Variants in TENM3 observed in about 807,000 individuals in gnomAD.
The protein encoded by TENM3 is teneurin transmembrane protein 3, also known as teneurin-3.
Under a neutral mutation model 255.1 loss-of-function variants are expected in TENM3, and 63 were observed. The ratio of observed to expected loss-of-function variants is 0.25; its 90% confidence interval spans 0.20 to 0.30. The LOEUF (loss-of-function observed/expected upper bound fraction) is 0.30. Ranked by LOEUF, TENM3 falls within the 10% of genes least tolerant of loss-of-function variation. The pLI, the probability that TENM3 is intolerant of heterozygous loss-of-function variation, is 1.00. For synonymous variants in TENM3, 1,306 were observed against 1,322.3 expected (o/e 0.99, Z 0.27); for missense variants, 2,929 against 3,461.1 (o/e 0.85, Z 3.86).
intron 1 of TENM3, among the ~76,000 whole-genome samples, chr4:182,277,103 G>T (rs1028680404): frequency 3.9e-5 from 6 of 152,194 alleles, no homozygotes; most frequent in African/African-American, 1.4e-4. Context: ...CAGCTTTTCT[G>T]TGAGGTCAGG....
intron 2 of TENM3, among the ~76,000 whole-genome samples, chr4:182,339,066 A>T (rs965151874): frequency 1.3e-5 from 2 of 152,244 alleles, no homozygotes; most frequent in Non-Finnish European, 2.9e-5. Context: ...TCATCAGACA[A>T]AAACGAAAGG....
chr4:182,612,831 C>T (rs780770923), intron 4 of TENM3, among the ~76,000 whole-genome samples: 9 of 152,244 alleles, frequency 5.9e-5, no homozygotes, highest in Non-Finnish European at 1.2e-4. Flanking sequence ...AATAGTTGTT[C>T]AGTAAGCTTC....
chr4:181,678,093 C>T, the TENM3 span, among the ~76,000 whole-genome samples: 7 of 152,036 alleles, frequency 4.6e-5, no homozygotes, highest in South Asian at 2.1e-4. Context: ...TTACTGTGTG[C>T]GAGGCACATG....
intron 1 of TENM3, among the ~76,000 whole-genome samples, chr4:182,236,563 C>T (rs780845692): frequency 4.6e-5 from 7 of 152,054 alleles, no homozygotes; most frequent in Admixed American, 2.6e-4. Flanking sequence ...TTGTTTTTCC[C>T]AGTGTAGACG....
At chr4:182,505,116 T>C (rs552897541) in intron 3 of TENM3, among the ~76,000 whole-genome samples, 1 of 152,290 alleles carries the variant, frequency 6.6e-6, no homozygotes, top group South Asian at 2.1e-4. Flanking sequence ...ATGGAAACAC[T>C]TTGAAACTCC....
At chr4:182,015,810 C>T in the TENM3 span, among the ~76,000 whole-genome samples, 4 of 152,024 alleles carry the variant, frequency 2.6e-5, no homozygotes, top group Non-Finnish European at 5.9e-5. Flanking sequence ...CCACCTGTCT[C>T]GGCTGGGATT....
chr4:182,489,830 C>G (rs972332772), intron 3 of TENM3, among the ~76,000 whole-genome samples: 10 of 89,406 alleles, frequency 1.1e-4, no homozygotes, highest in African/African-American at 3.1e-4. Flanking sequence ...TCCCTCCCTT[C>G]CTTTCTTCCT....
At chr4:181,485,836 T>G in the TENM3 span, among the ~76,000 whole-genome samples, 10 of 152,128 alleles carry the variant, frequency 6.6e-5, no homozygotes, top group Non-Finnish European at 1.3e-4. Flanking sequence ...AATTTATACC[T>G]CAAAATAATT....
chr4:181,610,604 G>T, the TENM3 span, among the ~76,000 whole-genome samples: 1 of 152,208 alleles, frequency 6.6e-6, no homozygotes, highest in Admixed American at 6.5e-5. Flanking sequence ...TTGTAGAAAT[G>T]AGTGATGTGA....
chr4:182,360,673 C>G (rs2150774115), intron 3 of TENM3, among the ~76,000 whole-genome samples: 1 of 152,150 alleles, frequency 6.6e-6, no homozygotes, highest in South Asian at 2.1e-4. Context: ...GACTCTTTAT[C>G]CAATTTGCCA....
the TENM3 span, among the ~76,000 whole-genome samples, chr4:181,542,916 C>T: frequency 6.6e-6 from 1 of 152,158 alleles, no homozygotes; most frequent in African/African-American, 2.4e-5. Flanking sequence ...CAAGGGTTCC[C>T]CCATCCCCTA....
chr4:182,415,438 T>C (rs1770297125), intron 3 of TENM3, among the ~76,000 whole-genome samples: 2 of 152,228 alleles, frequency 1.3e-5, no homozygotes, highest in Admixed American at 1.3e-4. Context: ...AAAGAGGTAA[T>C]ATACATCTAT....
chr4:181,640,369 T>C, the TENM3 span, among the ~76,000 whole-genome samples: 1 of 152,148 alleles, frequency 6.6e-6, no homozygotes, highest in South Asian at 2.1e-4. Context: ...AAAACAAAAT[T>C]GGTCAAAGAA....
the TENM3 span, among the ~76,000 whole-genome samples, chr4:182,002,867 C>T: frequency 6.6e-6 from 1 of 152,100 alleles, no homozygotes; most frequent in Admixed American, 6.6e-5. Flanking sequence ...CCAACACATA[C>T]CTTTACCTTA....
At chr4:181,625,157 G>T in the TENM3 span, among the ~76,000 whole-genome samples, 1 of 152,280 alleles carries the variant, frequency 6.6e-6, no homozygotes, top group South Asian at 2.1e-4. Flanking sequence ...CAGAAGAGTG[G>T]GATCCAGGGA....
At chr4:182,753,010 G>A (rs572166015) in intron 20 of TENM3, among the ~76,000 whole-genome samples, 2 of 146,486 alleles carry the variant, frequency 1.4e-5, no homozygotes, top group Admixed American at 7.0e-5. Context: ...GCAATGGTGC[G>A]ATCTCGGCTC....
chr4:182,418,200 G>T (rs1490021835), intron 3 of TENM3, among the ~76,000 whole-genome samples: 1 of 152,206 alleles, frequency 6.6e-6, no homozygotes, highest in African/African-American at 2.4e-5. Context: ...TATATTGCAG[G>T]TTGAGATTGT....
intron 3 of TENM3, among the ~76,000 whole-genome samples, chr4:182,397,524 C>T (rs1002639193): frequency 1.3e-5 from 2 of 151,546 alleles, no homozygotes; most frequent in African/African-American, 4.8e-5. Context: ...ATGCCAGAGG[C>T]CACAGGACAC....
the TENM3 span, among the ~76,000 whole-genome samples, chr4:182,098,869 G>A: frequency 6.6e-6 from 1 of 151,414 alleles, no homozygotes; most frequent in Admixed American, 6.6e-5. Flanking sequence ...TGAGGTGATT[G>A]ATATTCCAGC....
Sources: gnomAD v4.1 joint callset for allele counts (sites outside exome capture counted in the v4.1 genomes callset) on GRCh38, gnomAD v4.1.1 for gene constraint, MANE v1.5 for transcripts, NCBI Gene and HGNC (gene_info 2026-07-23, HGNC 2026-07-21) for gene names.